The following FHIT variants were observed in gnomAD, a reference collection of about 807,000 sequenced individuals.
The protein encoded by FHIT is bis(5'-adenosyl)-triphosphatase.
FHIT carries 19 observed loss-of-function variants against 17.9 expected under a neutral mutation model. That is an observed-to-expected ratio of 1.06 (90% CI 0.74 to 1.56). FHIT has a LOEUF of 1.56. Among genes scored for constraint, FHIT ranks in the 40% most tolerant of loss-of-function variants. The pLI is 0.00. For synonymous variants in FHIT, 81 were observed against 69.7 expected, an observed-to-expected ratio of 1.16 and a Z score of -0.81; for missense variants, 248 against 189.2, an observed-to-expected ratio of 1.31 and a Z score of -1.82.
At chr3:60,925,575 AG>A in intron 3 of FHIT, among the ~76,000 whole-genome samples, 1 of 152,352 alleles carries the variant, frequency 6.6e-6, no homozygotes, top group East Asian at 1.9e-4. Context: ...AAACATGGAA[AG>A]GAACAACTGG....
Position 60,820,919 on chromosome 3 carries a change from C to T in FHIT, c.-18+1000G>A, listed in dbSNP as rs183236448. ...GGGTTACATGAGCACAGTCCCCTGA[C>T]GACATGCTAGAGATTACCAGATTAG... On this transcript the variant is annotated intron_variant, in intron 4 of 9. Transcript: ENST00000492590. 1.3e-3 allele frequency among the ~76,000 whole-genome samples: 195 copies of T among 152,092 alleles called. 3 individuals are homozygous for T. The South Asian group carries it at 0.03, about 23-fold the overall frequency.
chr3:60,850,012 T>A (rs1463039431), intron 3 of FHIT, among the ~76,000 whole-genome samples: 2 of 152,076 alleles, frequency 1.3e-5, no homozygotes, highest in Admixed American at 1.3e-4. Context: ...GGCAATAGCA[T>A]CCATGAGCCC....
At chr3:61,223,282 C>T (rs1036374391) in intron 1 of FHIT, among the ~76,000 whole-genome samples, 3 of 152,174 alleles carry the variant, frequency 2.0e-5, no homozygotes, top group African/African-American at 7.2e-5. Context: ...GAGTTGACCT[C>T]TTGGCATGTG....
chr3:60,752,689 C>A (rs981995325), intron 4 of FHIT, among the ~76,000 whole-genome samples: 1 of 152,114 alleles, frequency 6.6e-6, no homozygotes, highest in Non-Finnish European at 1.5e-5. Context: ...TGTTGGAGCG[C>A]TTGGTGTAAG....
intron 5 of FHIT, among the ~76,000 whole-genome samples, chr3:60,315,503 C>T (rs1709124458): frequency 6.6e-6 from 1 of 152,128 alleles, no homozygotes; most frequent in Non-Finnish European, 1.5e-5. Flanking sequence ...TTATGATAGA[C>T]AAGTTTTGTC....
chr3:60,218,753 T>C (rs1445721315), intron 5 of FHIT, among the ~76,000 whole-genome samples: 3 of 151,996 alleles, frequency 2.0e-5, no homozygotes, highest in Non-Finnish European at 4.4e-5. Flanking sequence ...TTAGTTACTA[T>C]TATTATTAGC....
chr3:60,840,827 A>C (rs1288679427), intron 3 of FHIT, among the ~76,000 whole-genome samples: 1 of 152,228 alleles, frequency 6.6e-6, no homozygotes, highest in East Asian at 1.9e-4. Flanking sequence ...CCATATCATG[A>C]CATGACTTTA....
intron 5 of FHIT, among the ~76,000 whole-genome samples, chr3:60,272,298 A>C (rs1706901066): frequency 6.6e-6 from 1 of 152,250 alleles, no homozygotes; most frequent in African/African-American, 2.4e-5. Flanking sequence ...GAAGACAGGA[A>C]CACAACTCTT....
At chr3:60,298,719 C>T (rs889333433) in intron 5 of FHIT, among the ~76,000 whole-genome samples, 1 of 152,042 alleles carries the variant, frequency 6.6e-6, no homozygotes, top group African/African-American at 2.4e-5. Flanking sequence ...TTGATATGAT[C>T]ATGTCATTTT....
At chr3:61,144,388 T>C (rs917076819) in intron 2 of FHIT, among the ~76,000 whole-genome samples, 1 of 152,244 alleles carries the variant, frequency 6.6e-6, no homozygotes, top group Non-Finnish European at 1.5e-5. Flanking sequence ...TTACTAATTA[T>C]GGCCAAGTAA....
intron 5 of FHIT, among the ~76,000 whole-genome samples, chr3:60,179,329 C>CTA (rs1332558994): frequency 1.3e-5 from 2 of 152,200 alleles, no homozygotes; most frequent in African/African-American, 4.8e-5. Context: ...GCCCTTTCCC[C>CTA]TATATCACAG....
intron 5 of FHIT, among the ~76,000 whole-genome samples, chr3:60,340,267 G>T (rs907468146): frequency 6.6e-6 from 1 of 152,128 alleles, no homozygotes; most frequent in Non-Finnish European, 1.5e-5. Flanking sequence ...TTGAAGGTAA[G>T]GTCACATTTT....
At chr3:60,394,463 C>T (rs562944336) in intron 5 of FHIT, among the ~76,000 whole-genome samples, 7 of 152,198 alleles carry the variant, frequency 4.6e-5, no homozygotes, top group African/African-American at 1.7e-4. Flanking sequence ...ACTGAACATG[C>T]CCAAAATCAA....
chr3:60,486,362 G>C (rs996470115), intron 5 of FHIT, among the ~76,000 whole-genome samples: 1 of 152,040 alleles, frequency 6.6e-6, no homozygotes, highest in Non-Finnish European at 1.5e-5. Context: ...TCATAAAATA[G>C]AGGATCACAA....
intron 2 of FHIT, among the ~76,000 whole-genome samples, chr3:61,134,878 C>G (rs984938743): frequency 6.6e-6 from 1 of 152,168 alleles, no homozygotes; most frequent in African/African-American, 2.4e-5. Flanking sequence ...TTCACATGTT[C>G]AAATGCCCAG....
chr3:60,188,683 T>C (rs1236311955), intron 5 of FHIT, among the ~76,000 whole-genome samples: 6 of 152,190 alleles, frequency 3.9e-5, no homozygotes, highest in Admixed American at 2.6e-4. Context: ...TCATAATATA[T>C]ATCACACCAT....
At chr3:61,023,448 C>G (rs1018507232) in intron 3 of FHIT, among the ~76,000 whole-genome samples, 1 of 152,104 alleles carries the variant, frequency 6.6e-6, no homozygotes, top group East Asian at 1.9e-4. Flanking sequence ...AATGCCATCC[C>G]CATCAAGCTA....
At chr3:60,406,581 A>T (rs1381955532) in intron 5 of FHIT, among the ~76,000 whole-genome samples, 1 of 151,974 alleles carries the variant, frequency 6.6e-6, no homozygotes, top group East Asian at 1.9e-4. Flanking sequence ...GGATCAAGTT[A>T]ATCATTTTCA....
chr3:60,336,247 A>G (rs769834118), intron 5 of FHIT, among the ~76,000 whole-genome samples: 2 of 152,234 alleles, frequency 1.3e-5, no homozygotes, highest in Non-Finnish European at 2.9e-5. Flanking sequence ...GCAAATACAA[A>G]GCACTCACAT....
Sources: gnomAD v4.1 joint callset for allele counts (sites outside exome capture counted in the v4.1 genomes callset) on GRCh38, gnomAD v4.1.1 for gene constraint, MANE v1.5 for transcripts, NCBI Gene and HGNC (gene_info 2026-07-23, HGNC 2026-07-21) for gene names.